PCDH9: variants seen among roughly 807,000 people sequenced by gnomAD.
PCDH9 encodes the protein protocadherin-9.
Under a neutral mutation model 70.6 loss-of-function variants are expected in PCDH9, and 24 were observed. That is an observed-to-expected ratio of 0.34 (90% CI 0.25 to 0.48). The LOEUF is 0.48. PCDH9 is among the 20% of genes least tolerant of loss of function. The probability of loss-of-function intolerance (pLI) is 0.99; values close to 1 mark genes in which losing one functional copy is unlikely to be tolerated. For synonymous variants in PCDH9, 562 were observed against 558.5 expected (o/e 1.01, Z -0.09); for missense variants, 1,281 against 1,503.6 (o/e 0.85, Z 2.45).
chr13:66,639,954 G>A (rs568346843), intron 3 of PCDH9, among the ~76,000 whole-genome samples: 2 of 152,162 alleles, frequency 1.3e-5, no homozygotes, highest in Admixed American at 1.3e-4. Context: ...TCTGCAAGCA[G>A]AATTTTGCAT....
intron 3 of PCDH9, among the ~76,000 whole-genome samples, chr13:66,743,463 G>A (rs995504594): frequency 6.8e-6 from 1 of 147,204 alleles, no homozygotes; most frequent in African/African-American, 2.5e-5. Flanking sequence ...CCTGCACAAT[G>A]TGCACATGTA....
At chr13:67,116,593 C>T (rs138848718) in intron 2 of PCDH9, among the ~76,000 whole-genome samples, 83 of 152,248 alleles carry the variant, frequency 5.5e-4, no homozygotes, top group Non-Finnish European at 6.2e-4. Flanking sequence ...CTTATTCAAG[C>T]TACCTACAAA....
chr13:66,628,407 C>T (rs1426381873), intron 4 of PCDH9, among the ~76,000 whole-genome samples: 2 of 152,142 alleles, frequency 1.3e-5, no homozygotes, highest in Non-Finnish European at 2.9e-5. Context: ...CTCATAATAA[C>T]TTTATACATT....
chr13:66,575,812 A>G (rs2076806520), intron 4 of PCDH9, among the ~76,000 whole-genome samples: 1 of 151,986 alleles, frequency 6.6e-6, no homozygotes, highest in Non-Finnish European at 1.5e-5. Flanking sequence ...GAATATAATG[A>G]GGTTTTTATA....
chr13:67,205,695 T>G (rs1299302617), intron 2 of PCDH9: 1 of 152,212 alleles, frequency 6.6e-6, no homozygotes, highest in African/African-American at 2.4e-5. Flanking sequence ...GAGAATCAAT[T>G]TCCTTTGCCA....
chr13:67,097,611 A>T (rs558103857), intron 2 of PCDH9, among the ~76,000 whole-genome samples: 1 of 152,306 alleles, frequency 6.6e-6, no homozygotes, highest in African/African-American at 2.4e-5. Flanking sequence ...CCACTCAGTA[A>T]ATTTTCTGCT....
chr13:66,897,076 CAT>C (rs1024301816), intron 3 of PCDH9, among the ~76,000 whole-genome samples: 6 of 152,080 alleles, frequency 3.9e-5, no homozygotes, highest in African/African-American at 1.4e-4. Context: ...TTTATGGTAA[CAT>C]GTTGATATGA....
intron 4 of PCDH9, among the ~76,000 whole-genome samples, chr13:66,446,127 T>C (rs555304634): frequency 1.3e-5 from 2 of 152,010 alleles, no homozygotes; most frequent in African/African-American, 2.4e-5. Flanking sequence ...ATGTGATGTG[T>C]GTATGTATGT....
chr13:67,040,766 C>A (rs2085098202), intron 2 of PCDH9, among the ~76,000 whole-genome samples: 1 of 152,038 alleles, frequency 6.6e-6, no homozygotes. Flanking sequence ...TATTTAATAA[C>A]TTTTGCTGGT....
intron 2 of PCDH9, among the ~76,000 whole-genome samples, chr13:66,907,066 T>C (rs1375144640): frequency 6.6e-6 from 1 of 151,948 alleles, no homozygotes; most frequent in Non-Finnish European, 1.5e-5. Context: ...TAGCTGGATG[T>C]GGTGGTGCAT....
chr13:67,154,560 A>C (rs2138396109), intron 2 of PCDH9, among the ~76,000 whole-genome samples: 1 of 136,940 alleles, frequency 7.3e-6, no homozygotes, highest in East Asian at 2.2e-4. Flanking sequence ...AGGGAAACAG[A>C]CGGAGACCCT....
At chr13:66,702,303 C>T (rs1454710102) in intron 3 of PCDH9, among the ~76,000 whole-genome samples, 4 of 151,948 alleles carry the variant, frequency 2.6e-5, no homozygotes, top group Admixed American at 1.3e-4. Context: ...ACAAAATAAG[C>T]CTTCCAGAAC....
chr13:67,177,261 A>AC (rs1028264935), intron 2 of PCDH9, among the ~76,000 whole-genome samples: 3 of 151,682 alleles, frequency 2.0e-5, no homozygotes, highest in African/African-American at 4.8e-5. Flanking sequence ...TTTAAATGAA[A>AC]CCCCCCTGCC....
At chr13:66,622,282 C>A (rs997728771) in intron 4 of PCDH9, among the ~76,000 whole-genome samples, 3 of 152,206 alleles carry the variant, frequency 2.0e-5, no homozygotes, top group African/African-American at 7.2e-5. Context: ...AGTGCAGCCC[C>A]CTGCTCCACG....
At chr13:66,890,363 A>T (rs2082075030) in intron 3 of PCDH9, among the ~76,000 whole-genome samples, 1 of 151,596 alleles carries the variant, frequency 6.6e-6, no homozygotes, top group African/African-American at 2.4e-5. Context: ...ACATGTAGTC[A>T]TGGAACCTGA....
At chr13:66,777,084 A>C (rs11148726) in intron 3 of PCDH9, among the ~76,000 whole-genome samples, 48,428 of 146,974 alleles carry the variant, frequency 0.33, 7,740 homozygotes, top group East Asian at 0.54. Context: ...CATATGTAGA[A>C]AGCTGAAACT....
At chr13:67,214,104 A>G (rs2089534580) in intron 2 of PCDH9, 1 of 152,194 alleles carries the variant, frequency 6.6e-6, no homozygotes, top group Admixed American at 6.5e-5. Flanking sequence ...TAATATTTTT[A>G]TTTGTTGTGT....
chr13:66,873,453 C>G (rs992247436), intron 3 of PCDH9, among the ~76,000 whole-genome samples: 1 of 152,122 alleles, frequency 6.6e-6, no homozygotes, highest in Non-Finnish European at 1.5e-5. Flanking sequence ...TTACCAAGGA[C>G]GAGAAGCTCT....
At chr13:66,629,086 A>T (rs563717561) in intron 4 of PCDH9, among the ~76,000 whole-genome samples, 1 of 152,318 alleles carries the variant, frequency 6.6e-6, no homozygotes, top group Non-Finnish European at 1.5e-5. Flanking sequence ...CATCTGAAAT[A>T]TTTCATTATT....
Sources: allele counts gnomAD v4.1 joint callset (sites outside exome capture counted in the v4.1 genomes callset), GRCh38; gene constraint gnomAD v4.1.1; transcripts MANE v1.5; gene names NCBI Gene and HGNC (gene_info 2026-07-23, HGNC 2026-07-21).